NCAPH: variants seen among roughly 807,000 people sequenced by gnomAD.
NCAPH encodes the protein condensin complex subunit 2.
Under a neutral mutation model 85.5 loss-of-function variants are expected in NCAPH, and 38 were observed. The observed-to-expected ratio is 0.44, with a 90% CI of 0.34 to 0.58. The LOEUF is 0.58. NCAPH is among the 20% of genes least tolerant of loss of function. The pLI is 0.01. For missense variants in NCAPH, 789 were observed against 916.6 expected (o/e 0.86, Z 1.80); for synonymous variants, 301 against 335.1 (o/e 0.90, Z 1.11).
chr2:96,350,019 C>T (rs889197908), intron 6 of NCAPH, among the ~76,000 whole-genome samples: 2 of 152,202 alleles, frequency 1.3e-5, no homozygotes, highest in African/African-American at 4.8e-5. Flanking sequence ...AAAGCAAAAG[C>T]CATAGCACAG....
At position 96,368,987 on chromosome 2, in the gene NCAPH, G is replaced by A. The variant is rs763298234; in HGVS notation, c.2014G>A (p.Ala672Thr). The A allele has an allele frequency of 1.1e-5, 17 of 1,554,504 alleles. No individual in the cohort carries two copies. The highest frequency in any genetic ancestry group is 2.7e-5 in the African/African-American group (2 of 73,332). ...EADAEANHRE[A>T]GKEAALAEVA... Reference sequence around the variant, plus strand: ...CTTCTGTTAGGCAAACCACAGGGAAGCTGGAAAAGAAGCGGCCCTGGCAGA... The same window carrying A: ...CTTCTGTTAGGCAAACCACAGGGAAACTGGAAAAGAAGCGGCCCTGGCAGA... Residue 672 changes from alanine (A) to threonine (T), a missense_variant, in exon 16 of 18, where the codon GCT becomes ACT. Ala to Thr is a moderately conservative substitution (Grantham distance 58). Transcript: ENST00000240423.
In NCAPH at chr2:96,341,862, C is replaced by G; in HGVS notation, c.240C>G (p.Asp80Glu). 1 of 1,612,024 alleles carries G rather than the reference C, an allele frequency of 6.2e-7. No individual in the cohort carries two copies. The highest frequency in any genetic ancestry group is 8.5e-7 in the Non-Finnish European group (1 of 1,179,530). ...TCTTTGATCTGCAGTTCAGCACTGA[C>G]TCACCTCGCTTATTGGCCTCCCCCT... ...SRVFDLQFST[D>E]SPRLLASPSS... The change falls in exon 2 of 18, where the codon GAC (aspartate) becomes GAG (glutamate). Residue 80 changes from aspartate (D) to glutamate (E), a missense_variant. By Grantham distance (45) the Asp-to-Glu change is conservative (BLOSUM62 2). Coordinates refer to ENST00000240423, the MANE Select transcript of NCAPH (RefSeq NM_015341.5).
intron 6 of NCAPH, among the ~76,000 whole-genome samples, chr2:96,350,408 G>A (rs955360315): frequency 6.6e-6 from 1 of 152,286 alleles, no homozygotes; most frequent in Non-Finnish European, 1.5e-5. Context: ...ACTTTTAGGG[G>A]TGCAGGGCTC....
In NCAPH at chr2:96,353,414, G is replaced by A; in HGVS notation, c.1002+17G>A. 6.2e-7 allele frequency: 1 copy of A among 1,605,726 alleles called. No homozygotes were observed. The highest frequency in any genetic ancestry group is 1.1e-5 in the South Asian group (1 of 90,846). On this transcript the variant is annotated intron_variant, in intron 8 of 17. Coordinates refer to ENST00000240423, the MANE Select transcript of NCAPH (RefSeq NM_015341.5). ...CATAATGAGGTGTGGTCAAGTTTTA[G>A]TGGCTCATGGTTTCAGTTAGTTGGC... is the stretch of plus-strand genomic sequence containing the variant.
At chr2:96,344,664 G>T (rs570182550) in intron 6 of NCAPH, among the ~76,000 whole-genome samples, 3 of 152,144 alleles carry the variant, frequency 2.0e-5, no homozygotes, top group Non-Finnish European at 4.4e-5. Flanking sequence ...GACACATCTA[G>T]TAAGTGAGCT....
intron 1 of NCAPH, among the ~76,000 whole-genome samples, chr2:96,337,353 G>C (rs2064226933): frequency 6.6e-6 from 1 of 152,174 alleles, no homozygotes; most frequent in Non-Finnish European, 1.5e-5. Flanking sequence ...GTCCTCATAA[G>C]TCCTCTTGAT....
chr2:96,373,510 A>G lies in NCAPH; in HGVS notation c.*159A>G, dbSNP rs2064800276. 4.5e-6 allele frequency: 3 copies of G among 672,662 alleles called. No homozygotes were observed. The highest frequency in any genetic ancestry group is 5.1e-6 in the Non-Finnish European group (2 of 388,380). 41.7% of individuals were successfully genotyped at this position (672,662 alleles called of 1,614,324 possible). A position where few individuals can be genotyped will look rare whatever the true frequency, so the allele number is the denominator to read the frequency against. On this transcript the variant is annotated 3_prime_UTR_variant, in exon 18 of 18. Transcript: ENST00000240423. ...GTTGCTCTTTCCTTCTCTCCATCAT[A>G]GTCTGGGTGCCAGCGCCCTGAAGCT...
intron 17 of NCAPH, among the ~76,000 whole-genome samples, chr2:96,371,955 G>A (rs921436469): frequency 2.0e-5 from 3 of 152,214 alleles, no homozygotes; most frequent in South Asian, 2.1e-4. Context: ...AGTGATGGAC[G>A]TGAGGCCCTC....
chr2:96,354,253 A>G lies in NCAPH; in HGVS notation c.1073A>G (p.Glu358Gly), dbSNP rs940620877. 1.9e-6 allele frequency: 3 copies of G among 1,614,142 alleles called. No individual in the cohort carries two copies. The highest frequency in any genetic ancestry group is 2.5e-6 in the Non-Finnish European group (3 of 1,180,024). Residue 358 changes from glutamate (E) to glycine (G), a missense_variant, in exon 9 of 18, where the codon GAG (glutamate) becomes GGG (glycine). By Grantham distance (98) the Glu-to-Gly change is moderately conservative (BLOSUM62 -2). Transcript: ENST00000240423. ...QVFDINAEVD[E>G]SDCGDFPDGS... ...TTTGACATCAATGCTGAAGTTGACG[A>G]GAGTGACTGTGGAGACTTCCCCGAT...
chr2:96,364,191 G>A (rs1304556668), intron 12 of NCAPH, among the ~76,000 whole-genome samples: 5 of 152,186 alleles, frequency 3.3e-5, no homozygotes, highest in Non-Finnish European at 7.4e-5. Context: ...TGTTTTTAGT[G>A]AAGGAACCCT....
At chr2:96,363,412 A>G (rs1363933319) in intron 12 of NCAPH, among the ~76,000 whole-genome samples, 2 of 152,222 alleles carry the variant, frequency 1.3e-5, no homozygotes, top group African/African-American at 4.8e-5. Context: ...TATGAAGAAC[A>G]GTGGAAGAAA....
chr2:96,371,180 T>C (rs1376189280), intron 17 of NCAPH, among the ~76,000 whole-genome samples: 2 of 152,214 alleles, frequency 1.3e-5, no homozygotes, highest in African/African-American at 4.8e-5. Flanking sequence ...TCCATCTCTC[T>C]GACTTGAGAA....
At chr2:96,358,910 G>A (rs1407561815) in intron 9 of NCAPH, 135 bp from the exon 10 acceptor site, 1 of 814,548 alleles carries the variant, frequency 1.2e-6, no homozygotes, top group African/African-American at 1.7e-5. Context: ...TACTTGAGAA[G>A]TAAAAGGAAT....
chr2:96,351,716 A>C, intron 6 of NCAPH, 115 bp from the exon 7 acceptor site: 1 of 653,580 alleles, frequency 1.5e-6, no homozygotes, highest in Non-Finnish European at 2.3e-6. Context: ...CCATGAGTGG[A>C]GATATTTCAG....
At chr2:96,354,536 C>A in intron 9 of NCAPH, 148 bp downstream of exon 9, 1 of 691,948 alleles carries the variant, frequency 1.4e-6, no homozygotes, top group Non-Finnish European at 2.2e-6. Flanking sequence ...ATTGCCCAGG[C>A]TGGTCTTGAA....
At chr2:96,371,936 T>C (rs1187903413) in intron 17 of NCAPH, among the ~76,000 whole-genome samples, 4 of 152,222 alleles carry the variant, frequency 2.6e-5, no homozygotes, top group African/African-American at 9.7e-5. Context: ...TGTGTGGGGC[T>C]TAGGAGCCAG....
Position 96,374,167 on chromosome 2 carries a change from A to G in NCAPH, c.*816A>G, listed in dbSNP as rs2064807362. Among the ~76,000 whole-genome samples the G allele has an allele frequency of 6.6e-6, 1 of 152,224 alleles. No individual in the cohort carries two copies. The highest frequency in any genetic ancestry group is 2.4e-5 in the African/African-American group (1 of 41,442). On this transcript the variant is annotated 3_prime_UTR_variant, in exon 18 of 18. Coordinates refer to ENST00000240423, the MANE Select transcript of NCAPH (RefSeq NM_015341.5). ...ACTCTCATGTTGGAGGAGGAAACGGACACCCAAGGTAGAGGAACTTGCAAA... is the reference window on the plus strand; with the variant it reads ...ACTCTCATGTTGGAGGAGGAAACGGGCACCCAAGGTAGAGGAACTTGCAAA...
intron 1 of NCAPH, among the ~76,000 whole-genome samples, chr2:96,340,032 C>T (rs1003548397): frequency 1.3e-5 from 2 of 152,134 alleles, no homozygotes; most frequent in Non-Finnish European, 2.9e-5. Flanking sequence ...AAGCGATTTT[C>T]CTGCCTCAGC....
chr2:96,358,670 G>A (rs553417541), intron 9 of NCAPH, among the ~76,000 whole-genome samples: 12 of 152,270 alleles, frequency 7.9e-5, no homozygotes, highest in African/African-American at 2.6e-4. Context: ...GCGTTTCACT[G>A]TGTTAGCCAG....
Sources: gnomAD v4.1 joint callset for allele counts (sites outside exome capture counted in the v4.1 genomes callset) on GRCh38, gnomAD v4.1.1 for gene constraint, MANE v1.5 for transcripts, NCBI Gene and HGNC (gene_info 2026-07-23, HGNC 2026-07-21) for gene names.